MROH9: variants seen among roughly 807,000 people sequenced by gnomAD.
The protein encoded by MROH9 is maestro heat-like repeat-containing protein family member 9.
MROH9 carries 92 observed loss-of-function variants against 98.2 expected under a neutral mutation model. The observed-to-expected ratio is 0.94, with a 90% CI of 0.79 to 1.11. The LOEUF (loss-of-function observed/expected upper bound fraction) is 1.11, where lower values mean the gene tolerates loss of function less well. Among genes scored for constraint, MROH9 ranks in the 50% most tolerant of loss-of-function variants. The pLI, the probability that MROH9 is intolerant of heterozygous loss-of-function variation, is 0.00. For missense variants in MROH9, 1,057 were observed against 1,014.8 expected (o/e 1.04, Z -0.57); for synonymous variants, 397 against 368.9 (o/e 1.08, Z -0.87).
At position 170,971,871 on chromosome 1, in the gene MROH9, C is replaced by G. The variant is rs377212983; in HGVS notation, c.604C>G (p.Arg202Gly). The G allele has an allele frequency of 6.2e-7, 1 of 1,613,890 alleles. No homozygotes were observed. Among genetic ancestry groups the G allele is most frequent in the Non-Finnish European group, 8.5e-7 (1 of 1,179,834 alleles). Residue 202 changes from arginine (R) to glycine (G), a missense_variant, in exon 8 of 22, where the codon CGG becomes GGG. Coordinates refer to ENST00000367759, the MANE Select transcript of MROH9 (RefSeq NM_001163629.2). ...AATGTGTCACCTCCTCTACATTGCA[C>G]GGTGTCAGAACGGTAAGAACAGTTC... ...LGMCHLLYIA[R>G]CQNDIGTNKP...
chr1:171,047,076 G>A (rs1653493097), intron 20 of MROH9, among the ~76,000 whole-genome samples: 1 of 152,050 alleles, frequency 6.6e-6, no homozygotes, highest in Non-Finnish European at 1.5e-5. Flanking sequence ...CTTTTCTCTA[G>A]CTGCTTTTAG....
Position 170,959,613 on chromosome 1 carries a change from C to T in MROH9, c.288+16C>T, listed in dbSNP as rs751694184. On this transcript the variant is annotated intron_variant, in intron 5 of 21. Transcript: ENST00000367759. ...GGACATGGAGGTAAAATTTTTCTTC[C>T]TTTAATCATTATAGGATGTTATTAC... 3.1e-6 allele frequency: 5 copies of T among 1,608,444 alleles called. No individual in the cohort carries two copies. In the African/African-American group the frequency reaches 6.7e-5, roughly 22 times the overall value.
At chr1:170,958,426 CTTCTT>C (rs1649865739) in intron 3 of MROH9, 30 bp from the exon 4 acceptor site, 4 of 1,147,082 alleles carry the variant, frequency 3.5e-6, no homozygotes, top group East Asian at 2.6e-5. Context: ...ATCATTAATT[CTTCTT>C]TTTTTTTTTT....
At chr1:171,000,396 A>T (rs557122631) in intron 15 of MROH9, among the ~76,000 whole-genome samples, 1 of 152,156 alleles carries the variant, frequency 6.6e-6, no homozygotes, top group South Asian at 2.1e-4. Flanking sequence ...GGCTTTTATT[A>T]CATTAAGCTA....
chr1:170,944,304 T>C (rs1368405532), intron 1 of MROH9, among the ~76,000 whole-genome samples: 4 of 151,810 alleles, frequency 2.6e-5, no homozygotes, highest in African/African-American at 9.7e-5. Flanking sequence ...ACCTTTCGTA[T>C]TAAAGAAACA....
chr1:170,964,599 A>G (rs1416479627), intron 6 of MROH9, among the ~76,000 whole-genome samples: 1 of 152,032 alleles, frequency 6.6e-6, no homozygotes, highest in Non-Finnish European at 1.5e-5. Flanking sequence ...GAACAGCTAG[A>G]AGGTGCAGCT....
Position 170,989,926 on chromosome 1 carries a change from G to T in MROH9, c.951G>T (p.Gln317His), listed in dbSNP as rs115940585. Residue 317 changes from glutamine (Q) to histidine (H), a missense_variant, in exon 11 of 22, where the codon CAG becomes CAT. Transcript: ENST00000367759. The part of the protein sequence containing the change: ...DNNCMKDVML[Q>H]VITLLTCTSP... ...ATTGTATGAAGGATGTTATGTTGCA[G>T]GTTATCACTTTGTTGACATGCACTT... 3,887 of 1,613,296 alleles carry T rather than the reference G, an allele frequency of 2.4e-3. 89 individuals are homozygous for T. The African/African-American group carries it at 0.046, about 19-fold the overall frequency.
At chr1:170,951,241 G>C (rs1227450012) in intron 3 of MROH9, among the ~76,000 whole-genome samples, 2 of 152,036 alleles carry the variant, frequency 1.3e-5, no homozygotes, top group Non-Finnish European at 2.9e-5. Flanking sequence ...AAGAGTTATG[G>C]CATTCCAATT....
chr1:170,981,027 C>G (rs1170207792), intron 8 of MROH9, among the ~76,000 whole-genome samples: 1 of 152,166 alleles, frequency 6.6e-6, no homozygotes, highest in Non-Finnish European at 1.5e-5. Context: ...ACCTCAACAT[C>G]ACTGATCATC....
intron 21 of MROH9, among the ~76,000 whole-genome samples, chr1:171,063,585 A>G (rs547835468): frequency 6.6e-6 from 1 of 152,226 alleles, no homozygotes; most frequent in South Asian, 2.1e-4. Flanking sequence ...GAAAGCTATT[A>G]TATATTTTTT....
rs188397662 is a variant in MROH9 at position 171,019,105 on chromosome 1, A to G, written c.1908+2769A>G. Among the ~76,000 whole-genome samples, 68 of 152,394 alleles carry G rather than the reference A, an allele frequency of 4.5e-4. 1 individual carries two copies. In the East Asian group the frequency reaches 0.01, roughly 23 times the overall value. On this transcript the variant is annotated intron_variant, in intron 17 of 21. Coordinates refer to ENST00000367759, the MANE Select transcript of MROH9 (RefSeq NM_001163629.2). ...CAGCAAATTCAAAAGAACTGAAATC[A>G]TAATACAGTCTCTAAAAACACAGTG...
At chr1:171,039,837 G>A (rs1031020892) in intron 20 of MROH9, among the ~76,000 whole-genome samples, 1 of 152,050 alleles carries the variant, frequency 6.6e-6, no homozygotes, top group Non-Finnish European at 1.5e-5. Context: ...TTTTTTAAAA[G>A]CATTATTCTT....
chr1:170,943,468 T>TATAA (rs1326409717), intron 1 of MROH9, among the ~76,000 whole-genome samples: 3 of 151,896 alleles, frequency 2.0e-5, no homozygotes, highest in African/African-American at 7.2e-5. Flanking sequence ...GAAGAAAATA[T>TATAA]ATAAATAAAT....
intron 20 of MROH9, among the ~76,000 whole-genome samples, chr1:171,042,111 C>T (rs1653327409): frequency 6.6e-6 from 1 of 151,938 alleles, no homozygotes; most frequent in Non-Finnish European, 1.5e-5. Context: ...TACACATTAA[C>T]CATCCCCACA....
In MROH9 at chr1:170,992,282, G is replaced by T; in HGVS notation, c.1147G>T (p.Glu383Ter). ...TGGGGAAATGGAGGACACCGTAACG[G>T]AAGGGAAACGTTTCTCTCTTGATAT... ...KPGEMEDTVT[E>*]GKRFSLDITN... The change falls in exon 12 of 22, where the codon GAA becomes TAA. Residue 383 changes from glutamate to a stop codon, truncating the protein, a stop_gained. Coordinates refer to ENST00000367759, the MANE Select transcript of MROH9 (RefSeq NM_001163629.2). LOFTEE classifies it high-confidence loss of function. 6.2e-7 allele frequency: 1 copy of T among 1,613,576 alleles called. No homozygotes were observed. Among genetic ancestry groups the T allele is most frequent in the Admixed American group, 1.7e-5 (1 of 59,952 alleles).
intron 20 of MROH9, among the ~76,000 whole-genome samples, chr1:171,047,831 C>T (rs988513664): frequency 2.6e-5 from 4 of 152,124 alleles, no homozygotes; most frequent in African/African-American, 9.7e-5. Context: ...TTTGAAAGGA[C>T]TTAGGTGTTG....
At chr1:171,011,607 AT>A in intron 15 of MROH9, among the ~76,000 whole-genome samples, 1 of 152,300 alleles carries the variant, frequency 6.6e-6, no homozygotes, top group Non-Finnish European at 1.5e-5. Context: ...ACCAAGAAAT[AT>A]TTTTTAAGTA....
At chr1:170,950,293 A>G (rs1649499154) in intron 3 of MROH9, among the ~76,000 whole-genome samples, 1 of 152,098 alleles carries the variant, frequency 6.6e-6, no homozygotes, top group Non-Finnish European at 1.5e-5. Context: ...AGTACTAACA[A>G]TAATTATGAG....
chr1:171,041,619 T>C (rs767328682), intron 20 of MROH9, among the ~76,000 whole-genome samples: 2 of 151,820 alleles, frequency 1.3e-5, no homozygotes, highest in Non-Finnish European at 2.9e-5. Flanking sequence ...ATGGTAGTTC[T>C]ATTTTTAATT....
Sources: allele counts gnomAD v4.1 joint callset (sites outside exome capture counted in the v4.1 genomes callset), GRCh38; gene constraint gnomAD v4.1.1; transcripts MANE v1.5; gene names NCBI Gene and HGNC (gene_info 2026-07-23, HGNC 2026-07-21).